Variants in RALYL observed in about 807,000 individuals in gnomAD.
RALYL encodes the protein RALY RNA binding protein like, also known as RNA-binding Raly-like protein.
RALYL carries 29 observed loss-of-function variants against 35.1 expected under a neutral mutation model. That is an observed-to-expected ratio of 0.83 (90% CI 0.61 to 1.13). The LOEUF (loss-of-function observed/expected upper bound fraction) is 1.13, where lower values mean the gene tolerates loss of function less well. Among genes scored for constraint, RALYL ranks in the 50% most tolerant of loss-of-function variants. The pLI is 0.00. For synonymous variants in RALYL, 120 were observed against 127.6 expected (o/e 0.94, Z 0.40); for missense variants, 359 against 360.4 (o/e 1.00, Z 0.03).
Position 84,350,168 on chromosome 8 carries a change from G to A in RALYL, c.-24+165744G>A, listed in dbSNP as rs543448262. The stretch of plus-strand genomic sequence containing the variant: ...CCAAATGGCTTTTCGTAAGACACTG[G>A]GCAGCCCCATGTATGACCAATATCC... On this transcript the variant is annotated intron_variant, in intron 1 of 8. Transcript: ENST00000521268. Among the ~76,000 whole-genome samples the A allele has an allele frequency of 1.5e-4, 22 of 150,260 alleles. 1 individual carries two copies. Among genetic ancestry groups the A allele is most frequent in the Non-Finnish European group, 2.4e-4 (16 of 67,684 alleles).
intron 1 of RALYL, among the ~76,000 whole-genome samples, chr8:84,463,001 A>T (rs1340686671): frequency 1.3e-5 from 2 of 151,972 alleles, no homozygotes; most frequent in Admixed American, 1.3e-4. Flanking sequence ...AGAAATTATT[A>T]TACTGAAGCT....
intron 1 of RALYL, among the ~76,000 whole-genome samples, chr8:84,256,397 C>G (rs1158823553): frequency 6.6e-6 from 1 of 152,052 alleles, no homozygotes; most frequent in African/African-American, 2.4e-5. Context: ...GTTCTTATAT[C>G]GAATAGCAGG....
chr8:84,571,288 TATTACTC>T (rs1271710900), intron 2 of RALYL, among the ~76,000 whole-genome samples: 1 of 151,808 alleles, frequency 6.6e-6, no homozygotes, highest in Non-Finnish European at 1.5e-5. Context: ...GATTCAATTT[TATTACTC>T]ATTATTGGTC....
At chr8:84,661,670 T>A (rs1830951222) in intron 2 of RALYL, among the ~76,000 whole-genome samples, 1 of 151,674 alleles carries the variant, frequency 6.6e-6, no homozygotes, top group Non-Finnish European at 1.5e-5. Flanking sequence ...TTAGGGTACA[T>A]GTGCACATTG....
At chr8:84,696,130 T>G (rs17794614) in intron 2 of RALYL, among the ~76,000 whole-genome samples, 29,637 of 151,756 alleles carry the variant, frequency 0.2, 3,131 homozygotes, top group Non-Finnish European at 0.23. Flanking sequence ...CTGTTTTTAC[T>G]TAGCATTACA....
intron 1 of RALYL, among the ~76,000 whole-genome samples, chr8:84,406,877 G>C (rs1364364129): frequency 6.6e-6 from 1 of 152,098 alleles, no homozygotes; most frequent in Admixed American, 6.6e-5. Context: ...CTTCAAAGGA[G>C]TGCCTGTGCA....
intron 8 of RALYL, among the ~76,000 whole-genome samples, chr8:84,895,566 G>A (rs2135505765): frequency 6.6e-6 from 1 of 152,284 alleles, no homozygotes; most frequent in South Asian, 2.1e-4. Flanking sequence ...AAGCTGGAGT[G>A]CAGTGGCGTG....
At chr8:84,466,252 C>A (rs1291827717) in intron 1 of RALYL, among the ~76,000 whole-genome samples, 2 of 142,068 alleles carry the variant, frequency 1.4e-5, no homozygotes, top group East Asian at 2.1e-4. Context: ...CAGGTTTTGC[C>A]CATTCAGTAT....
intron 1 of RALYL, among the ~76,000 whole-genome samples, chr8:84,502,881 T>G (rs1374410898): frequency 6.6e-6 from 1 of 151,038 alleles, no homozygotes; most frequent in Non-Finnish European, 1.5e-5. Flanking sequence ...AATTAATATA[T>G]TTATTTCTGC....
At chr8:84,716,652 G>T (rs1011390990) in intron 2 of RALYL, among the ~76,000 whole-genome samples, 2 of 152,114 alleles carry the variant, frequency 1.3e-5, no homozygotes, top group Non-Finnish European at 2.9e-5. Flanking sequence ...TCCTAAAGAA[G>T]CTGTACCAGT....
chr8:84,549,010 T>C (rs893058974), intron 2 of RALYL, among the ~76,000 whole-genome samples: 1 of 152,208 alleles, frequency 6.6e-6, no homozygotes, highest in South Asian at 2.1e-4. Flanking sequence ...CTGCAAGTTT[T>C]GGATGCTGTT....
chr8:84,629,211 T>C (rs1291965097), intron 2 of RALYL, among the ~76,000 whole-genome samples: 10 of 152,100 alleles, frequency 6.6e-5, no homozygotes, highest in Admixed American at 5.2e-4. Context: ...CCTTATTGAA[T>C]GTATGCTCCA....
At chr8:84,249,742 G>C (rs1316927413) in intron 1 of RALYL, among the ~76,000 whole-genome samples, 1 of 152,000 alleles carries the variant, frequency 6.6e-6, no homozygotes, top group Admixed American at 6.6e-5. Flanking sequence ...TGATGTCTTA[G>C]AGAGTATATA....
At chr8:84,361,221 A>G (rs1852947438) in intron 1 of RALYL, among the ~76,000 whole-genome samples, 1 of 152,210 alleles carries the variant, frequency 6.6e-6, no homozygotes, top group Admixed American at 6.5e-5. Context: ...AATTAGTTTC[A>G]CATGTGATAA....
intron 1 of RALYL, among the ~76,000 whole-genome samples, chr8:84,430,214 CAT>C (rs1389915892): frequency 6.6e-6 from 1 of 151,908 alleles, no homozygotes; most frequent in Non-Finnish European, 1.5e-5. Flanking sequence ...AAATGGAAAA[CAT>C]AGTGATAAAA....
chr8:84,395,540 C>A (rs1861598879), intron 1 of RALYL, among the ~76,000 whole-genome samples: 1 of 151,814 alleles, frequency 6.6e-6, no homozygotes, highest in African/African-American at 2.4e-5. Context: ...CCGCCATCAG[C>A]ACTTGCACTT....
chr8:84,253,622 A>G (rs1830662829), intron 1 of RALYL, among the ~76,000 whole-genome samples: 1 of 152,090 alleles, frequency 6.6e-6, no homozygotes. Context: ...GGGTGCTGTT[A>G]CAGTTCTTGT....
intron 1 of RALYL, among the ~76,000 whole-genome samples, chr8:84,308,022 T>C (rs1473330664): frequency 6.8e-6 from 1 of 146,032 alleles, no homozygotes; most frequent in Non-Finnish European, 1.5e-5. Flanking sequence ...AAACCGTAGG[T>C]CAGAAAAAAA....
intron 2 of RALYL, among the ~76,000 whole-genome samples, chr8:84,621,443 C>G (rs1821440307): frequency 6.6e-6 from 1 of 152,196 alleles, no homozygotes; most frequent in South Asian, 2.1e-4. Flanking sequence ...CAATGCCTCA[C>G]CCTGCTTCGG....
Sources: gnomAD v4.1 joint callset for allele counts (sites outside exome capture counted in the v4.1 genomes callset) on GRCh38, gnomAD v4.1.1 for gene constraint, MANE v1.5 for transcripts, NCBI Gene and HGNC (gene_info 2026-07-23, HGNC 2026-07-21) for gene names.